The following FAM131B variants were observed in gnomAD, a reference collection of about 807,000 sequenced individuals.
FAM131B encodes the protein protein FAM131B.
A neutral mutation model predicts 42.0 loss-of-function variants in FAM131B; 19 were observed. The observed-to-expected ratio is 0.45, with a 90% CI of 0.32 to 0.66. The LOEUF is 0.66. Among genes scored for constraint, FAM131B ranks in the 30% least tolerant of loss-of-function variants. The probability of loss-of-function intolerance (pLI) is 0.05; values close to 1 mark genes in which losing one functional copy is unlikely to be tolerated. For synonymous variants in FAM131B, 183 were observed against 177.6 expected (o/e 1.03, Z -0.24); for missense variants, 370 against 468.4 (o/e 0.79, Z 1.94).
the FAM131B span, chr7:143,381,111 T>TG: frequency 1.3e-6 from 1 of 773,102 alleles, no homozygotes; most frequent in Non-Finnish European, 1.6e-6. Context: ...GGGGCGGCAG[T>TG]GAGTGGGGTG....
Position 143,356,831 on chromosome 7 carries a change from G to A in FAM131B, c.802C>T (p.Pro268Ser). Residue 268 changes from proline to serine, a missense_variant, in exon 7 of 7, where the codon CCA (proline) becomes TCA (serine). Transcript: ENST00000443739. This position sits in a 1 kb window ranked among gnomAD's most constrained non-coding sequence, Gnocchi z 4.4. ...TCCAGAGCAGAGTATCCTGAAGCTG[G>A]TTGGGAAGGTCCCATTTCATGCAAG... ...PSLHEMGPSQ[P>S]ASGYSALEPP... The A allele has an allele frequency of 1.2e-6, 2 of 1,614,134 alleles. No individual in the cohort carries two copies. Among genetic ancestry groups the A allele is most frequent in the Non-Finnish European group, 1.7e-6 (2 of 1,180,042 alleles).
chr7:143,357,654 TATA>T (rs1339985013), intron 5 of FAM131B, among the ~76,000 whole-genome samples: 4 of 152,354 alleles, frequency 2.6e-5, no homozygotes, highest in African/African-American at 4.8e-5. Flanking sequence ...CATCTCAACA[TATA>T]ATCAAAATAA....
At chr7:143,370,846 C>T in the FAM131B span, among the ~76,000 whole-genome samples, 1 of 152,148 alleles carries the variant, frequency 6.6e-6, no homozygotes, top group African/African-American at 2.4e-5. Context: ...TGAGTTCCTT[C>T]TTGTGCGAGA....
At chr7:143,372,823 G>A in the FAM131B span, among the ~76,000 whole-genome samples, 8 of 152,118 alleles carry the variant, frequency 5.3e-5, no homozygotes, top group Admixed American at 1.3e-4. Context: ...ACCAGGTGTC[G>A]TGGTGGGCAC....
chr7:143,366,422 T>TG (rs1563099620), upstream of FAM131B, among the ~76,000 whole-genome samples: 1 of 152,152 alleles, frequency 6.6e-6, no homozygotes, highest in Non-Finnish European at 1.5e-5. Flanking sequence ...CAGTCAGCTT[T>TG]GGGGCACTCC....
chr7:143,380,341 C>T, the FAM131B span: 1 of 985,084 alleles, frequency 1.0e-6, no homozygotes, highest in South Asian at 4.7e-5. The surrounding 1 kb of genome is among the most constrained non-coding windows in gnomAD (Gnocchi z 5.0). Context: ...TAGGGGGCTC[C>T]ACCAAGCGCA....
At chr7:143,360,186 T>C (rs763251258) in intron 1 of FAM131B, 37 bp from the exon 2 acceptor site, 2 of 1,571,500 alleles carry the variant, frequency 1.3e-6, no homozygotes, top group Non-Finnish European at 1.7e-6. Flanking sequence ...GGCCCTCACC[T>C]CCCTGTGCAG....
the FAM131B span, chr7:143,380,721 TC>T: frequency 1.0e-6 from 1 of 985,348 alleles, no homozygotes; most frequent in South Asian, 4.7e-5. This position sits in a 1 kb window ranked among gnomAD's most constrained non-coding sequence, Gnocchi z 5.0. Context: ...ACACACCCCC[TC>T]CGGGCACAGA....
At chr7:143,374,454 C>T in the FAM131B span, among the ~76,000 whole-genome samples, 10 of 152,224 alleles carry the variant, frequency 6.6e-5, no homozygotes, top group African/African-American at 2.4e-4. Flanking sequence ...CTACCAGAAC[C>T]TTTTAATTGT....
upstream of FAM131B, among the ~76,000 whole-genome samples, chr7:143,366,247 C>T (rs184694647): frequency 6.6e-6 from 1 of 152,194 alleles, no homozygotes; most frequent in Non-Finnish European, 1.5e-5. Flanking sequence ...CATCTATCTA[C>T]ATTTCTAAAT....
In FAM131B at chr7:143,359,589, A is replaced by G; in HGVS notation, c.174+143T>C. On this transcript the variant is annotated intron_variant, in intron 3 of 6. Transcript: ENST00000443739. The surrounding 1 kb of genome is among the most constrained non-coding windows in gnomAD (Gnocchi z 5.4). ...GAGGGATATATCCCCAGTGCTCTGG[A>G]AAACTGGGGCACAGGTTGAGAACGT... 5 of 978,028 alleles carry G rather than the reference A, an allele frequency of 5.1e-6. No individual in the cohort carries two copies. The highest frequency in any genetic ancestry group is 8.0e-6 in the Non-Finnish European group (5 of 623,262). 60.6% of individuals were successfully genotyped at this position (978,028 alleles called of 1,614,324 possible).
chr7:143,379,987 G>A, the FAM131B span: 8 of 862,388 alleles, frequency 9.3e-6, no homozygotes, highest in Middle Eastern at 5.8e-4. Context: ...AAACTTTTGG[G>A]GTTAGTCCTC....
chr7:143,356,284 C>A lies in FAM131B; in HGVS notation c.*266G>T, dbSNP rs1035076686. ...GGCTTTGTCGGCACAGACCCAGAAG[C>A]CCACAGCCCAGGTCCTTCTCCACAG... On this transcript the variant is annotated 3_prime_UTR_variant, in exon 7 of 7. Transcript: ENST00000443739. This position sits in a 1 kb window ranked among gnomAD's most constrained non-coding sequence, Gnocchi z 4.4. 11 of 482,024 alleles carry A rather than the reference C, an allele frequency of 2.3e-5. No homozygotes were observed. Among genetic ancestry groups the A allele is most frequent in the Non-Finnish European group, 3.7e-5 (10 of 268,852 alleles). 29.9% of individuals were successfully genotyped at this position (482,024 alleles called of 1,614,324 possible).
intron 1 of FAM131B, chr7:143,360,373 T>C (rs1803902194): frequency 1.4e-6 from 2 of 1,398,568 alleles, no homozygotes; most frequent in East Asian, 5.4e-5. Context: ...TGTATGGCCT[T>C]ATTTGTTGTT....
rs557204983 is a variant in FAM131B at position 143,353,707 on chromosome 7, A to G, written c.*2843T>C. 3 of 152,524 alleles carry G rather than the reference A, an allele frequency of 2.0e-5. No homozygotes were observed. The highest frequency in any genetic ancestry group is 1.3e-4 in the Admixed American group (2 of 15,268). The allele number at this position is 152,524 out of a possible 1,614,324, so 9.4% of individuals were successfully genotyped here. A position where few individuals can be genotyped will look rare whatever the true frequency, so the allele number is the denominator to read the frequency against. ...ACCTGGAGGATGGTGTGTGGGATGT[A>G]TAGGTGAGGTCGTGGAGAAGATAAT... is the stretch of plus-strand genomic sequence containing the variant. On this transcript the variant is annotated 3_prime_UTR_variant, in exon 7 of 7. Transcript: ENST00000443739.
chr7:143,379,971 C>T, the FAM131B span: 4 of 778,126 alleles, frequency 5.1e-6, 1 homozygote, highest in Non-Finnish European at 6.2e-6. Flanking sequence ...TCTGCTTTCT[C>T]TTCATAAACT....
upstream of FAM131B, among the ~76,000 whole-genome samples, chr7:143,365,627 AG>A (rs371939032): frequency 2.5e-3 from 379 of 152,280 alleles, 4 homozygotes; most frequent in African/African-American, 8.5e-3. Context: ...TTTTTGAGAC[AG>A]GGTCTCACGC....
At chr7:143,381,664 C>T in the FAM131B span, 3 of 1,611,574 alleles carry the variant, frequency 1.9e-6, no homozygotes, top group Non-Finnish European at 2.5e-6. Context: ...CTGTGGTGGC[C>T]CCAAAGCCCA....
At chr7:143,371,025 G>C in the FAM131B span, among the ~76,000 whole-genome samples, 1 of 152,016 alleles carries the variant, frequency 6.6e-6, no homozygotes, top group African/African-American at 2.4e-5. Context: ...ACTCTTTCTT[G>C]GTTCTCCTCT....
Sources: gnomAD v4.1 joint callset for allele counts (sites outside exome capture counted in the v4.1 genomes callset) on GRCh38, gnomAD v4.1.1 for gene constraint, Gnocchi (gnomAD v3.1) non-coding constraint, MANE v1.5 for transcripts, NCBI Gene and HGNC (gene_info 2026-07-23, HGNC 2026-07-21) for gene names.